PLCH2: variants seen among roughly 807,000 people sequenced by gnomAD.
PLCH2 encodes phospholipase C eta 2.
A neutral mutation model predicts 134.7 loss-of-function variants in PLCH2; 98 were observed. The observed-to-expected ratio is 0.73, with a 90% confidence interval of 0.62 to 0.86. PLCH2 has a LOEUF of 0.86. PLCH2 is among the 40% of genes least tolerant of loss of function. The pLI is 0.00. For missense variants in PLCH2, 1,994 were observed against 1,986.6 expected, an observed-to-expected ratio of 1.00 and a Z score of -0.07; for synonymous variants, 974 against 827.5, an observed-to-expected ratio of 1.18 and a Z score of -3.04.
chr1:2,450,882 C>T (rs960863804), intron 2 of PLCH2, among the ~76,000 whole-genome samples: 3 of 150,998 alleles, frequency 2.0e-5, no homozygotes, highest in South Asian at 4.2e-4. Flanking sequence ...TGGGGACATA[C>T]CTGTGTCTCT....
intron 2 of PLCH2, among the ~76,000 whole-genome samples, chr1:2,457,879 G>GA (rs5772068): frequency 0.02 from 2,220 of 110,692 alleles, 54 homozygotes; most frequent in African/African-American, 0.058. Flanking sequence ...TTTTAGACCT[G>GA]AAAAAAAAAA....
chr1:2,452,376 A>C (rs1412910123), intron 2 of PLCH2, among the ~76,000 whole-genome samples: 1 of 152,038 alleles, frequency 6.6e-6, no homozygotes, highest in Non-Finnish European at 1.5e-5. Flanking sequence ...GCCGTCCTGG[A>C]GTGAGCCCCG....
chr1:2,426,706 C>T (rs537406515), intron 1 of PLCH2, among the ~76,000 whole-genome samples: 15 of 152,376 alleles, frequency 9.8e-5, no homozygotes, highest in Admixed American at 9.1e-4. Context: ...CATTCCTGCC[C>T]GCTGTGAGCA....
At chr1:2,435,280 G>A (rs928040129) in intron 2 of PLCH2, among the ~76,000 whole-genome samples, 1 of 152,220 alleles carries the variant, frequency 6.6e-6, no homozygotes, top group Non-Finnish European at 1.5e-5. Flanking sequence ...GCTGTGGGGG[G>A]TGGGGCCCGG....
At chr1:2,454,288 C>T (rs1334395894) in intron 2 of PLCH2, among the ~76,000 whole-genome samples, 8 of 152,304 alleles carry the variant, frequency 5.3e-5, no homozygotes, top group Admixed American at 2.0e-4. Flanking sequence ...CCACCATGCC[C>T]GACTCACCCT....
Position 2,505,396 on chromosome 1 carries a change from G to C in PLCH2, c.*183G>C. On this transcript the variant is annotated 3_prime_UTR_variant, in exon 22 of 22. Transcript: ENST00000378486. ...GAGGAAAGGCTAAAGCTGCTGGCCCGGGGCCCACAGGAGGGGCTTCGAGGC... is the reference window on the plus strand; with the variant it reads ...GAGGAAAGGCTAAAGCTGCTGGCCCCGGGCCCACAGGAGGGGCTTCGAGGC... The C allele has an allele frequency of 1.7e-6, 1 of 578,812 alleles. No homozygotes were observed. Among genetic ancestry groups the C allele is most frequent in the Non-Finnish European group, 3.0e-6 (1 of 332,332 alleles). 35.9% of individuals were successfully genotyped at this position (578,812 alleles called of 1,614,324 possible).
rs773774181 is a variant in PLCH2, at chr1:2,504,468, G to A, written c.3506G>A (p.Arg1169His). The change falls in exon 22 of 22, where the codon CGT becomes CAT. Residue 1169 changes from arginine (R) to histidine (H), a missense_variant. Coordinates refer to ENST00000378486, the MANE Select transcript of PLCH2 (RefSeq NM_014638.4). ...CCCAGCCTGGGCCTGGGCCGCAGCCGTGAGAACCTCGCTGGAGCCCACATG... is the reference window on the plus strand; with the variant it reads ...CCCAGCCTGGGCCTGGGCCGCAGCCATGAGAACCTCGCTGGAGCCCACATG... The part of the protein sequence containing the change: ...SLPSLGLGRS[R>H]ENLAGAHMGR... 38 of 1,612,370 alleles carry A rather than the reference G, an allele frequency of 2.4e-5. No individual in the cohort carries two copies. Among genetic ancestry groups the A allele is most frequent in the Admixed American group, 1.2e-4 (7 of 59,998 alleles).
chr1:2,443,256 G>A (rs1639768560), intron 2 of PLCH2, among the ~76,000 whole-genome samples: 1 of 152,226 alleles, frequency 6.6e-6, no homozygotes, highest in African/African-American at 2.4e-5. Context: ...GGGTCTGCAT[G>A]TGCCCCTGAC....
intron 2 of PLCH2, among the ~76,000 whole-genome samples, chr1:2,459,678 T>C: frequency 7.0e-6 from 1 of 143,412 alleles, no homozygotes; most frequent in East Asian, 2.1e-4. Context: ...GTGGTCTTCC[T>C]TTCCGGTGGT....
intron 2 of PLCH2, among the ~76,000 whole-genome samples, chr1:2,456,404 C>A (rs1640495620): frequency 6.6e-6 from 1 of 152,112 alleles, no homozygotes; most frequent in Non-Finnish European, 1.5e-5. Flanking sequence ...GGCGCTCTAG[C>A]CACGCGCTCT....
At chr1:2,483,328 G>A (rs1220613198) in intron 4 of PLCH2, among the ~76,000 whole-genome samples, 1 of 152,206 alleles carries the variant, frequency 6.6e-6, no homozygotes, top group Non-Finnish European at 1.5e-5. Context: ...CTCAGTGGGG[G>A]GCCAGGGCCG....
Position 2,504,566 on chromosome 1 carries a change from T to A in PLCH2, c.3604T>A (p.Ser1202Thr), listed in dbSNP as rs762524401. Residue 1202 changes from serine (S) to threonine (T), a missense_variant, in exon 22 of 22, where the codon TCC becomes ACC. Coordinates refer to ENST00000378486, the MANE Select transcript of PLCH2 (RefSeq NM_014638.4). The stretch of plus-strand genomic sequence containing the variant: ...CCTGCCACCTGTGACCAAGAGCAAA[T>A]CCAACCCCAACCTTCGGGCTACAGG... Reference protein sequence around the residue: ...PDLPPVTKSKSNPNLRATGQR... With the variant: ...PDLPPVTKSKTNPNLRATGQR... 3.1e-5 allele frequency: 50 copies of A among 1,612,662 alleles called. No homozygotes were observed. The East Asian group carries it at 1.0e-3, about 34-fold the overall frequency.
At position 2,479,865 on chromosome 1, in the gene PLCH2, C is replaced by G; in HGVS notation, c.403C>G (p.Leu135Val). Residue 135 changes from leucine to valine, a missense_variant, in exon 3 of 22, where the codon CTG becomes GTG. Transcript: ENST00000378486. Reference protein sequence around the residue: ...YHGSHRESLDLVSTSSEVART... With the variant: ...YHGSHRESLDVVSTSSEVART... ...CGGCAGCCACCGCGAGTCGCTGGACCTGGTCTCCACCAGCAGCGAGGTGGC... is the reference window on the plus strand; with the variant it reads ...CGGCAGCCACCGCGAGTCGCTGGACGTGGTCTCCACCAGCAGCGAGGTGGC... 6.2e-7 allele frequency: 1 copy of G among 1,611,698 alleles called. No individual in the cohort carries two copies.
chr1:2,421,531 G>T (rs1261757760), upstream of PLCH2, among the ~76,000 whole-genome samples: 1 of 152,210 alleles, frequency 6.6e-6, no homozygotes, highest in African/African-American at 2.4e-5. Context: ...TCTGGGTGCA[G>T]TCTGTGTGTG....
At chr1:2,455,837 G>A (rs1441536670) in intron 2 of PLCH2, among the ~76,000 whole-genome samples, 2 of 152,192 alleles carry the variant, frequency 1.3e-5, no homozygotes, top group African/African-American at 4.8e-5. Context: ...GCCGTGCCCC[G>A]GTCTTCACCC....
At chr1:2,501,865 G>A (rs1011163811) in intron 20 of PLCH2, 7 of 454,878 alleles carry the variant, frequency 1.5e-5, no homozygotes, top group East Asian at 7.1e-5. Context: ...AGTTTCTGCC[G>A]GAAGGGTGGG....
rs753513124 is a variant in PLCH2, at chr1:2,496,492, C to T, written c.1836-115C>T. ...AGTCTGGCGTCCGTCTCTGATGGTT[C>T]GGGGCCTGCTGCGTGAATTAATGAG... On this transcript the variant is annotated intron_variant, in intron 13 of 21. Transcript: ENST00000378486. The T allele has an allele frequency of 2.0e-4, 168 of 839,800 alleles. 1 individual carries two copies. Among genetic ancestry groups the T allele is most frequent in the South Asian group, 2.5e-4 (16 of 64,044 alleles). The allele number at this position is 839,800 out of a possible 1,614,324, so 52.0% of individuals were successfully genotyped here.
intron 4 of PLCH2, among the ~76,000 whole-genome samples, chr1:2,483,488 T>C (rs1282550959): frequency 1.3e-5 from 2 of 152,150 alleles, no homozygotes; most frequent in African/African-American, 2.4e-5. Context: ...TGCGTCCCTT[T>C]GGGCCTGGTG....
In PLCH2 at chr1:2,498,303, G is replaced by A; in HGVS notation, c.2225-220G>A. On this transcript the variant is annotated intron_variant, in intron 16 of 21. Transcript: ENST00000378486. The surrounding 1 kb of genome is among the most constrained non-coding windows in gnomAD (Gnocchi z 5.4). ...TCCTCGGCTCAGCTGTGGGAGGCAT[G>A]GGCTCTGTCCCACATGCTGCGGTAG... is the stretch of plus-strand genomic sequence containing the variant. 1.8e-6 allele frequency: 1 copy of A among 554,016 alleles called. No homozygotes were observed. Among genetic ancestry groups the A allele is most frequent in the Non-Finnish European group, 3.2e-6 (1 of 313,192 alleles). The allele number at this position is 554,016 out of a possible 1,614,324, so 34.3% of individuals were successfully genotyped here.
Sources: gnomAD v4.1 joint callset for allele counts (sites outside exome capture counted in the v4.1 genomes callset) on GRCh38, gnomAD v4.1.1 for gene constraint, Gnocchi (gnomAD v3.1) non-coding constraint, MANE v1.5 for transcripts, NCBI Gene and HGNC (gene_info 2026-07-23, HGNC 2026-07-21) for gene names.